Variants in AGAP1 observed in about 807,000 individuals in gnomAD.
AGAP1 encodes the protein arf-GAP with GTPase, ANK repeat and PH domain-containing protein 1.
A neutral mutation model predicts 105.3 loss-of-function variants in AGAP1; 29 were observed. The observed-to-expected ratio is 0.28, with a 90% confidence interval of 0.21 to 0.38. The LOEUF (loss-of-function observed/expected upper bound fraction) is 0.38. Ranked by LOEUF, AGAP1 falls within the 10% of genes least tolerant of loss-of-function variation. The pLI, the probability that AGAP1 is intolerant of heterozygous loss-of-function variation, is 1.00. For missense variants in AGAP1, 998 were observed against 1,165.1 expected (o/e 0.86, Z 2.09); for synonymous variants, 509 against 485.9 (o/e 1.05, Z -0.63).
chr2:235,553,232 TA>T lies in AGAP1; in HGVS notation c.163+58384del, dbSNP rs373377495. On this transcript the variant is annotated intron_variant, in intron 1 of 17. Transcript: ENST00000304032. The surrounding 1 kb of genome is among the most constrained non-coding windows in gnomAD (Gnocchi z 4.5). ...TACTGTCTTAAGTCAGTACAGATTT[TA>T]GGCTTTTTATATTAAGGGCTGGGGG... Among the ~76,000 whole-genome samples, 25 of 151,198 alleles carry T rather than the reference TA, an allele frequency of 1.7e-4. No individual in the cohort carries two copies. The highest frequency in any genetic ancestry group is 6.1e-4 in the African/African-American group (25 of 41,222).
chr2:236,077,253 A>G (rs1043127076), intron 16 of AGAP1, among the ~76,000 whole-genome samples: 1 of 151,106 alleles, frequency 6.6e-6, no homozygotes, highest in Admixed American at 6.6e-5. Flanking sequence ...ACAGTGCTTT[A>G]AAGAATTTAA....
At chr2:236,052,044 C>G (rs979921413) in intron 16 of AGAP1, among the ~76,000 whole-genome samples, 1 of 152,170 alleles carries the variant, frequency 6.6e-6, no homozygotes, top group Admixed American at 6.5e-5. Context: ...CTCTGCCCCA[C>G]TCCGCCCCTC....
Position 235,802,900 on chromosome 2 carries a change from G to T in AGAP1, c.957+3378G>T, listed in dbSNP as rs575989088. 5.2e-3 allele frequency among the ~76,000 whole-genome samples: 755 copies of T among 145,034 alleles called. 9 individuals are homozygous for T. Among genetic ancestry groups the T allele is most frequent in the African/African-American group, 0.018 (714 of 38,676 alleles). ...GCTTGTGGTTGTGATGGTGATGATG[G>T]TTGTGATGGTGTGATGGTTGTGGTT... On this transcript the variant is annotated intron_variant, in intron 8 of 17. Coordinates refer to ENST00000304032, the MANE Select transcript of AGAP1 (RefSeq NM_001037131.3).
chr2:235,738,409 G>T (rs964008522), intron 3 of AGAP1, among the ~76,000 whole-genome samples: 1 of 152,092 alleles, frequency 6.6e-6, no homozygotes. Flanking sequence ...CGTGCTGGAG[G>T]TCACTCAGCC....
intron 10 of AGAP1, among the ~76,000 whole-genome samples, chr2:235,885,271 A>G (rs531842304): frequency 6.6e-6 from 1 of 152,346 alleles, no homozygotes; most frequent in Non-Finnish European, 1.5e-5. Context: ...CATGTCAAGA[A>G]ATATACTTGT....
chr2:235,926,378 A>C (rs375968815), intron 11 of AGAP1, among the ~76,000 whole-genome samples: 1 of 152,210 alleles, frequency 6.6e-6, no homozygotes, highest in Admixed American at 6.5e-5. Context: ...GACACATGGC[A>C]CGAGATGCTC....
At position 235,951,401 on chromosome 2, in the gene AGAP1, A is replaced by G. The variant is rs1399598721; in HGVS notation, c.1484-17061A>G. Among the ~76,000 whole-genome samples the G allele has an allele frequency of 6.6e-6, 1 of 152,266 alleles. No individual in the cohort carries two copies. Among genetic ancestry groups the G allele is most frequent in the African/African-American group, 2.4e-5 (1 of 41,474 alleles). ...ACAATGCTGTCAGTCATCGTGAGAC[A>G]GAGTAGCATGGAACTGAAAAATGTG... On this transcript the variant is annotated intron_variant, in intron 12 of 17. Transcript: ENST00000304032. This position sits in a 1 kb window ranked among gnomAD's most constrained non-coding sequence, Gnocchi z 4.2.
intron 9 of AGAP1, among the ~76,000 whole-genome samples, chr2:235,828,849 T>G (rs1270839541): frequency 3.9e-5 from 6 of 152,174 alleles, no homozygotes. Context: ...TCACAGCCCT[T>G]ACCATTTGAA....
intron 6 of AGAP1, among the ~76,000 whole-genome samples, chr2:235,794,282 T>C (rs980184079): frequency 6.6e-6 from 1 of 152,182 alleles, no homozygotes; most frequent in Non-Finnish European, 1.5e-5. Context: ...AAAAGAACAC[T>C]GAGCATTACT....
chr2:235,873,317 G>A (rs1014102127), intron 9 of AGAP1, among the ~76,000 whole-genome samples: 2 of 152,200 alleles, frequency 1.3e-5, no homozygotes, highest in Non-Finnish European at 2.9e-5. Context: ...CTGCTCATTT[G>A]TAGTCCAATT....
chr2:235,670,920 G>A (rs1418304167), intron 1 of AGAP1: 3 of 1,337,314 alleles, frequency 2.2e-6, no homozygotes, highest in Non-Finnish European at 2.9e-6. Flanking sequence ...ATCTTCGCGC[G>A]CAGGGACGGG....
intron 6 of AGAP1, chr2:235,775,644 C>T (rs1258641355): frequency 6.6e-6 from 1 of 152,122 alleles, no homozygotes; most frequent in Non-Finnish European, 1.5e-5. Flanking sequence ...TAAGTGTTAA[C>T]CCCAGTACAT....
chr2:236,068,400 C>T (rs1224692987), intron 16 of AGAP1, among the ~76,000 whole-genome samples: 1 of 152,166 alleles, frequency 6.6e-6, no homozygotes, highest in African/African-American at 2.4e-5. Context: ...TCCTCTGGCA[C>T]TGCTGGTAAG....
intron 2 of AGAP1, 151 bp downstream of exon 2, chr2:235,709,388 A>G (rs1950715163): frequency 1.1e-6 from 1 of 891,044 alleles, no homozygotes; most frequent in South Asian, 1.5e-5. Flanking sequence ...GGTATAGTTG[A>G]TAGCTTGGGA....
At chr2:236,098,190 G>A (rs1419151090) in intron 16 of AGAP1, among the ~76,000 whole-genome samples, 1 of 152,028 alleles carries the variant, frequency 6.6e-6, no homozygotes, top group Non-Finnish European at 1.5e-5. Context: ...GATTCTTTTG[G>A]GTATATACCT....
intron 1 of AGAP1, among the ~76,000 whole-genome samples, chr2:235,704,073 A>G (rs1036711976): frequency 4.9e-4 from 75 of 152,220 alleles, no homozygotes; most frequent in African/African-American, 1.8e-3. Context: ...GACCCCTCAC[A>G]CCCATTTCCC....
At position 235,777,604 on chromosome 2, in the gene AGAP1, C is replaced by G. The variant is rs181374822; in HGVS notation, c.674-20155C>G. 2.6e-4 allele frequency among the ~76,000 whole-genome samples: 39 copies of G among 152,326 alleles called. No homozygotes were observed. Among genetic ancestry groups the G allele is most frequent in the African/African-American group, 8.7e-4 (36 of 41,560 alleles). ...AGTCACAGCTGTCTCACCTGCACCCCTCCAATCGCCTTCTCAGAATCCGAC... is the reference window on the plus strand; with the variant it reads ...AGTCACAGCTGTCTCACCTGCACCCGTCCAATCGCCTTCTCAGAATCCGAC... On this transcript the variant is annotated intron_variant, in intron 6 of 17. Transcript: ENST00000304032. The surrounding 1 kb of genome is among the most constrained non-coding windows in gnomAD (Gnocchi z 5.1).
At chr2:235,800,103 CTT>C (rs778896992) in intron 8 of AGAP1, among the ~76,000 whole-genome samples, 5 of 138,408 alleles carry the variant, frequency 3.6e-5, no homozygotes, top group African/African-American at 2.7e-5. Flanking sequence ...TGCATTGTTC[CTT>C]TTTTTTTTTT....
chr2:235,930,668 G>C lies in AGAP1; in HGVS notation c.1325-97G>C. 1 of 1,254,756 alleles carries C rather than the reference G, an allele frequency of 8.0e-7. No homozygotes were observed. The highest frequency in any genetic ancestry group is 1.1e-6 in the Non-Finnish European group (1 of 913,962). 77.7% of individuals were successfully genotyped at this position (1,254,756 alleles called of 1,614,324 possible). A position where few individuals can be genotyped will look rare whatever the true frequency, so the allele number is the denominator to read the frequency against. On this transcript the variant is annotated intron_variant, in intron 11 of 17. Transcript: ENST00000304032. The surrounding 1 kb of genome is among the most constrained non-coding windows in gnomAD (Gnocchi z 7.9). ...CAGGGGCTGCTCTCGGTGGTAAGGT[G>C]CACTATGTGCCAGCGTGTGGGTCCC...
Sources: gnomAD v4.1 joint callset for allele counts (sites outside exome capture counted in the v4.1 genomes callset) on GRCh38, gnomAD v4.1.1 for gene constraint, Gnocchi (gnomAD v3.1) non-coding constraint, MANE v1.5 for transcripts, NCBI Gene and HGNC (gene_info 2026-07-23, HGNC 2026-07-21) for gene names.